OR8J1: variants seen among roughly 807,000 people sequenced by gnomAD.
OR8J1 encodes the protein olfactory receptor family 8 subfamily J member 1, also known as olfactory receptor 8J1.
For synonymous variants in OR8J1, 157 were observed against 144.3 expected (o/e 1.09, Z -0.63); for missense variants, 400 against 373.0 (o/e 1.07, Z -0.60).
chr11:56,356,165 A>G (rs553301713), intron 1 of OR8J1, among the ~76,000 whole-genome samples: 1 of 152,308 alleles, frequency 6.6e-6, no homozygotes, highest in African/African-American at 2.4e-5. Flanking sequence ...GAATCATAAC[A>G]TGGTGAACCA....
At chr11:56,357,010 T>C (rs1854977189) in intron 1 of OR8J1, among the ~76,000 whole-genome samples, 1 of 152,138 alleles carries the variant, frequency 6.6e-6, no homozygotes, top group Non-Finnish European at 1.5e-5. Flanking sequence ...GAGATCATCT[T>C]GTTTCTGCTC....
Position 56,360,957 on chromosome 11 carries a change from C to G in OR8J1, c.711C>G (p.Ala237=), listed in dbSNP as rs375781706. The change falls in exon 2 of 2, where the codon GCC becomes GCG. Residue 237 remains alanine, a synonymous_variant. Coordinates refer to ENST00000533152, the MANE Select transcript of OR8J1 (RefSeq NM_001005205.3). ...KICSSEGRKK[A]FSTCASHMMA... is the part of the protein sequence containing the mutation. ...GTTCATCAGAAGGAAGGAAAAAAGC[C>G]TTTTCTACCTGTGCTTCACATATGA... 6.8e-7 allele frequency: 1 copy of G among 1,476,352 alleles called. No individual in the cohort carries two copies. The highest frequency in any genetic ancestry group is 9.0e-7 in the Non-Finnish European group (1 of 1,117,116). 91.5% of individuals were successfully genotyped at this position (1,476,352 alleles called of 1,614,324 possible).
At chr11:56,358,710 A>G (rs1468294695) in intron 1 of OR8J1, among the ~76,000 whole-genome samples, 1 of 152,204 alleles carries the variant, frequency 6.6e-6, no homozygotes, top group African/African-American at 2.4e-5. Context: ...AATGTGCAAT[A>G]ATCTTGTTTC....
chr11:56,355,220 T>C (rs1854951111), intron 1 of OR8J1, among the ~76,000 whole-genome samples: 2 of 151,900 alleles, frequency 1.3e-5, no homozygotes, highest in Non-Finnish European at 2.9e-5. Context: ...AAAAACACAC[T>C]TTTTAAAAGG....
rs746056405 is a variant in OR8J1, at chr11:56,360,465, C to G, written c.219C>G (p.Asn73Lys). 1 of 1,614,026 alleles carries G rather than the reference C, an allele frequency of 6.2e-7. No individual in the cohort carries two copies. Among genetic ancestry groups the G allele is most frequent in the African/African-American group, 1.3e-5 (1 of 74,928 alleles). Residue 73 changes from asparagine (N) to lysine (K), a missense_variant, in exon 2 of 2, where the codon AAC (asparagine) becomes AAG (lysine). Asn to Lys is a moderately conservative substitution (Grantham distance 94, BLOSUM62 0). Transcript: ENST00000533152. ...ATCTGGCTCTCATTAATCTTGGTAACTCTACTGTCATTGCCCCTAAAATGC... is the reference window on the plus strand; with the variant it reads ...ATCTGGCTCTCATTAATCTTGGTAAGTCTACTGTCATTGCCCCTAAAATGC... Reference protein sequence around the residue: ...LQHLALINLGNSTVIAPKMLI... With the variant: ...LQHLALINLGKSTVIAPKMLI...
At position 56,360,534 on chromosome 11, in the gene OR8J1, A is replaced by T; in HGVS notation, c.288A>T (p.Glu96Asp). The change falls in exon 2 of 2, where the codon GAA becomes GAT. Residue 96 changes from glutamate to aspartate, a missense_variant. Physicochemically the swap from Glu to Asp is conservative, Grantham distance 45. Transcript: ENST00000533152. ...AGAAGAAAACTACCTCATTCTATGA[A>T]TGTGCCACCCAACTGGGAGGGTTCT... ...LVKKKTTSFY[E>D]CATQLGGFLF... The T allele has an allele frequency of 6.2e-7, 1 of 1,614,168 alleles. No homozygotes were observed. Among genetic ancestry groups the T allele is most frequent in the Non-Finnish European group, 8.5e-7 (1 of 1,180,038 alleles).
Position 56,360,842 on chromosome 11 carries a change from T to C in OR8J1, c.596T>C (p.Val199Ala). The change falls in exon 2 of 2, where the codon GTC becomes GCC. Residue 199 changes from valine (V) to alanine (A), a missense_variant. By Grantham distance (64) the Val-to-Ala change is moderately conservative (BLOSUM62 0). Transcript: ENST00000533152. Reference protein sequence around the residue: ...CSDTYLPETVVFISAATNVVG... With the variant: ...CSDTYLPETVAFISAATNVVG... ...GATACTTACTTACCAGAAACAGTTG[T>C]CTTTATATCTGCAGCAACAAATGTG... is the stretch of plus-strand genomic sequence containing the variant. The C allele has an allele frequency of 1.3e-6, 2 of 1,521,326 alleles. No individual in the cohort carries two copies. Among genetic ancestry groups the C allele is most frequent in the Non-Finnish European group, 8.8e-7 (1 of 1,140,758 alleles). 94.2% of individuals were successfully genotyped at this position (1,521,326 alleles called of 1,614,324 possible). A position where few individuals can be genotyped will look rare whatever the true frequency, so the allele number is the denominator to read the frequency against.
chr11:56,357,647 G>C lies in OR8J1; in HGVS notation c.-20-2580G>C, dbSNP rs61745317. 2.7e-5 allele frequency: 40 copies of C among 1,508,538 alleles called. No individual in the cohort carries two copies. The East Asian group carries it at 5.2e-4, about 20-fold the overall frequency. 93.4% of individuals were successfully genotyped at this position (1,508,538 alleles called of 1,614,324 possible). ...GTACTTGCCTGCTGCTGGCCTGCAG[G>C]CTTCTCAATAGGTTTGGCATGGACA... On this transcript the variant is annotated intron_variant, in intron 1 of 1. Coordinates refer to ENST00000533152, the MANE Select transcript of OR8J1 (RefSeq NM_001005205.3).
At chr11:56,357,752 C>T in intron 1 of OR8J1, 12 of 1,542,640 alleles carry the variant, frequency 7.8e-6, no homozygotes, top group Middle Eastern at 2.2e-4. Context: ...GTGCCTTTAC[C>T]TGCTATTTGG....
chr11:56,360,321 T>TC lies in OR8J1; in HGVS notation c.79dup (p.Leu27ProfsTer26), dbSNP rs1852616214. ...TCTCTAGCTGTCCAGAGCTCCAGAT[T>TC]CCCCTCTTCCTGGTCTTTCTGGTGC... On this transcript the variant is annotated frameshift_variant, in exon 2 of 2. Coordinates refer to ENST00000533152, the MANE Select transcript of OR8J1 (RefSeq NM_001005205.3). LOFTEE classifies it low-confidence loss of function (END_TRUNC). The TC allele has an allele frequency of 2.5e-6, 4 of 1,613,802 alleles. No homozygotes were observed. The highest frequency in any genetic ancestry group is 3.4e-6 in the Non-Finnish European group (4 of 1,179,910).
In OR8J1 at chr11:56,361,136, A is replaced by G; in HGVS notation, c.890A>G (p.Asp297Gly). The change falls in exon 2 of 2, where the codon GAT becomes GGT. Residue 297 changes from aspartate to glycine, a missense_variant. Transcript: ENST00000533152. ...TTGATCTACAGCCTGAGGAATAAGG[A>G]TGTGAAGACTGCTCTACAGAGATTC... Reference protein sequence around the residue: ...NPLIYSLRNKDVKTALQRFMT... With the variant: ...NPLIYSLRNKGVKTALQRFMT... 2.0e-6 allele frequency: 3 copies of G among 1,478,786 alleles called. No homozygotes were observed. The highest frequency in any genetic ancestry group is 3.2e-5 in the South Asian group (2 of 62,180). The allele number at this position is 1,478,786 out of a possible 1,614,324, so 91.6% of individuals were successfully genotyped here.
rs146758768 is a variant in OR8J1, at chr11:56,361,057, G to A, written c.811G>A (p.Asp271Asn). The A allele has an allele frequency of 1.0e-5, 15 of 1,503,522 alleles. No homozygotes were observed. In the African/African-American group the frequency reaches 2.1e-4, roughly 21 times the overall value. The allele number at this position is 1,503,522 out of a possible 1,614,324, so 93.1% of individuals were successfully genotyped here. The change falls in exon 2 of 2, where the codon GAT (aspartate) becomes AAT (asparagine). Residue 271 changes from aspartate to asparagine, a missense_variant. Physicochemically the swap from Asp to Asn is conservative, Grantham distance 23. Coordinates refer to ENST00000533152, the MANE Select transcript of OR8J1 (RefSeq NM_001005205.3). ...CCGAAGTAACCATTCACTGGATACT[G>A]ATGATAAGATGGCTTCTGTGTTTTA... is the stretch of plus-strand genomic sequence containing the variant. ...QPRSNHSLDTDDKMASVFYTL... is the reference protein window; with the variant it reads ...QPRSNHSLDTNDKMASVFYTL...
intron 1 of OR8J1, among the ~76,000 whole-genome samples, chr11:56,358,380 C>T (rs569255167): frequency 1.3e-5 from 2 of 152,118 alleles, no homozygotes; most frequent in East Asian, 3.9e-4. Flanking sequence ...GACCCCCTAC[C>T]CCCTCAAAAA....
chr11:56,361,152 A>G lies in OR8J1; in HGVS notation c.906A>G (p.Leu302=). The stretch of plus-strand genomic sequence containing the variant: ...GGAATAAGGATGTGAAGACTGCTCT[A>G]CAGAGATTCATGACAAATCTGTGCT... ...SLRNKDVKTA[L]QRFMTNLCYS... The change falls in exon 2 of 2, where the codon CTA becomes CTG. Residue 302 remains leucine, a synonymous_variant. Coordinates refer to ENST00000533152, the MANE Select transcript of OR8J1 (RefSeq NM_001005205.3). The G allele has an allele frequency of 2.8e-6, 4 of 1,432,654 alleles. No homozygotes were observed. Among genetic ancestry groups the G allele is most frequent in the Non-Finnish European group, 3.7e-6 (4 of 1,095,836 alleles). The allele number at this position is 1,432,654 out of a possible 1,614,324, so 88.7% of individuals were successfully genotyped here.
intron 1 of OR8J1, among the ~76,000 whole-genome samples, chr11:56,359,767 A>T (rs894301856): frequency 2.6e-5 from 4 of 152,174 alleles, no homozygotes; most frequent in Non-Finnish European, 4.4e-5. Context: ...TACAAGGATG[A>T]AATGAATAAA....
intron 1 of OR8J1, chr11:56,357,689 A>T: frequency 6.3e-7 from 1 of 1,584,372 alleles, no homozygotes. Flanking sequence ...ATGAAGGCCA[A>T]GTGGAGGCGA....
rs1209096977 is a variant in OR8J1 at position 56,357,663 on chromosome 11, G to A, written c.-20-2564G>A. ...GGCCTGCAGGCTTCTCAATAGGTTT[G>A]GCATGGACAAGATCTATGAAGGCCA... On this transcript the variant is annotated intron_variant, in intron 1 of 1. Transcript: ENST00000533152. 6 of 1,563,242 alleles carry A rather than the reference G, an allele frequency of 3.8e-6. No homozygotes were observed. In the East Asian group the frequency reaches 6.7e-5, roughly 18 times the overall value.
At chr11:56,357,932 T>C in intron 1 of OR8J1, 2 of 836,596 alleles carry the variant, frequency 2.4e-6, no homozygotes, top group Admixed American at 3.5e-5. Flanking sequence ...TGGGCCAGAA[T>C]GTTGCAGCTT....
intron 1 of OR8J1, among the ~76,000 whole-genome samples, chr11:56,356,925 C>G (rs1854976428): frequency 6.6e-6 from 1 of 152,046 alleles, no homozygotes; most frequent in Admixed American, 6.6e-5. Context: ...GTTAGTTACC[C>G]CAGTCAAAAT....
Sources: gnomAD v4.1 joint callset for allele counts (sites outside exome capture counted in the v4.1 genomes callset) on GRCh38, gnomAD v4.1.1 for gene constraint, MANE v1.5 for transcripts, NCBI Gene and HGNC (gene_info 2026-07-23, HGNC 2026-07-21) for gene names.